Variants in EPHB1 observed in about 807,000 individuals in gnomAD.
The protein encoded by EPHB1 is EPH receptor B1.
Under a neutral mutation model 94.4 loss-of-function variants are expected in EPHB1, and 30 were observed. The observed-to-expected ratio is 0.32, with a 90% CI of 0.24 to 0.43. The LOEUF is 0.43. EPHB1 is among the 20% of genes least tolerant of loss of function. The probability of loss-of-function intolerance (pLI) is 1.00; values close to 1 mark genes in which losing one functional copy is unlikely to be tolerated. For missense variants in EPHB1, 1,055 were observed against 1,308.3 expected, an observed-to-expected ratio of 0.81 and a Z score of 2.99; for synonymous variants, 522 against 489.1, an observed-to-expected ratio of 1.07 and a Z score of -0.89.
At chr3:135,243,890 A>G (rs1943854148) in intron 13 of EPHB1, among the ~76,000 whole-genome samples, 1 of 152,174 alleles carries the variant, frequency 6.6e-6, no homozygotes, top group African/African-American at 2.4e-5. Context: ...GAGGAGCTGC[A>G]GTCTTATTGA....
intron 1 of EPHB1, among the ~76,000 whole-genome samples, chr3:134,872,511 C>T (rs1397762749): frequency 6.6e-6 from 1 of 152,204 alleles, no homozygotes; most frequent in Non-Finnish European, 1.5e-5. Flanking sequence ...AGTGATTAGA[C>T]ATTTTTATAG....
At chr3:135,134,522 G>A (rs1940544356) in intron 5 of EPHB1, among the ~76,000 whole-genome samples, 1 of 152,184 alleles carries the variant, frequency 6.6e-6, no homozygotes, top group Non-Finnish European at 1.5e-5. Context: ...GTGTTTGTAT[G>A]TATGTGTATG....
chr3:135,196,427 G>C (rs548694360), intron 11 of EPHB1, among the ~76,000 whole-genome samples: 16 of 152,248 alleles, frequency 1.1e-4, no homozygotes, highest in African/African-American at 3.9e-4. Context: ...AGCAGGCATG[G>C]TAAGAAAGGA....
chr3:134,965,449 C>T (rs1321929125), intron 3 of EPHB1, among the ~76,000 whole-genome samples: 1 of 152,114 alleles, frequency 6.6e-6, no homozygotes, highest in Non-Finnish European at 1.5e-5. Flanking sequence ...CCTGTAGTCC[C>T]AGCACTTTGA....
At chr3:134,801,128 GC>G (rs1304608755) in intron 1 of EPHB1, among the ~76,000 whole-genome samples, 3 of 152,182 alleles carry the variant, frequency 2.0e-5, no homozygotes, top group African/African-American at 7.2e-5. Flanking sequence ...ACATGGTCAT[GC>G]AAGAAGAGAT....
intron 3 of EPHB1, among the ~76,000 whole-genome samples, chr3:135,099,938 TC>T (rs1488796628): frequency 6.6e-6 from 1 of 152,168 alleles, no homozygotes; most frequent in African/African-American, 2.4e-5. Context: ...CTTGCCTCTC[TC>T]CCAGTTGCCC....
At chr3:134,874,161 G>GT (rs371839261) in intron 1 of EPHB1, among the ~76,000 whole-genome samples, 128 of 152,238 alleles carry the variant, frequency 8.4e-4, no homozygotes, top group Non-Finnish European at 1.4e-3. Flanking sequence ...CAAAATTTGG[G>GT]TTTTTTGTGG....
chr3:134,860,530 C>A (rs1490703409), intron 1 of EPHB1, among the ~76,000 whole-genome samples: 3 of 152,142 alleles, frequency 2.0e-5, no homozygotes, highest in Admixed American at 6.5e-5. Flanking sequence ...AAAAAGATTT[C>A]TTGGCCGGGC....
intron 3 of EPHB1, among the ~76,000 whole-genome samples, chr3:135,039,415 A>G (rs948649621): frequency 3.5e-4 from 54 of 152,232 alleles, no homozygotes; most frequent in Non-Finnish European, 6.2e-4. Context: ...CCAGTCCTGC[A>G]CCGTGCGCTC....
rs542475930 is a variant in EPHB1 at position 135,241,007 on chromosome 3, C to T, written c.2347-141C>T. The T allele has an allele frequency of 1.3e-4, 133 of 1,016,252 alleles. 4 individuals carry two copies. The South Asian group carries it at 1.5e-3, about 11-fold the overall frequency. The allele number at this position is 1,016,252 out of a possible 1,614,324, so 63.0% of individuals were successfully genotyped here. On this transcript the variant is annotated intron_variant, in intron 12 of 15. Coordinates refer to ENST00000398015, the MANE Select transcript of EPHB1 (RefSeq NM_004441.5). ...TAGGCACAGCAACATAGCTTGTGCACGAAGCAAGAATAGCCTGTCTGTCAT... is the reference window on the plus strand; with the variant it reads ...TAGGCACAGCAACATAGCTTGTGCATGAAGCAAGAATAGCCTGTCTGTCAT...
At chr3:134,868,676 T>C (rs994686592) in intron 1 of EPHB1, among the ~76,000 whole-genome samples, 31 of 152,226 alleles carry the variant, frequency 2.0e-4, no homozygotes, top group African/African-American at 7.0e-4. Flanking sequence ...AGACCTACTA[T>C]GTGTCAGGTT....
intron 1 of EPHB1, among the ~76,000 whole-genome samples, chr3:134,844,469 A>G (rs2036833095): frequency 6.6e-6 from 1 of 152,210 alleles, no homozygotes; most frequent in Non-Finnish European, 1.5e-5. Flanking sequence ...TCAGCCAAGT[A>G]TACACTTGCC....
intron 1 of EPHB1, among the ~76,000 whole-genome samples, chr3:134,846,971 G>A (rs62272437): frequency 0.068 from 10,396 of 152,180 alleles, 437 homozygotes; most frequent in South Asian, 0.2. Flanking sequence ...CTTCGGTGGC[G>A]GGAGATTAAT....
rs767939986 is a variant in EPHB1 at position 134,842,013 on chromosome 3, C to T, written c.58+46324C>T. Among the ~76,000 whole-genome samples, 7 of 152,108 alleles carry T rather than the reference C, an allele frequency of 4.6e-5. No individual in the cohort carries two copies. In the East Asian group the frequency reaches 5.8e-4, roughly 13 times the overall value. ...GTGCTGTAGTCTGATTGTGATCCCCCGAAATTCATATGCTTATGACTTAAC... is the reference window on the plus strand; with the variant it reads ...GTGCTGTAGTCTGATTGTGATCCCCTGAAATTCATATGCTTATGACTTAAC... On this transcript the variant is annotated intron_variant, in intron 1 of 15. Coordinates refer to ENST00000398015, the MANE Select transcript of EPHB1 (RefSeq NM_004441.5).
intron 2 of EPHB1, among the ~76,000 whole-genome samples, chr3:134,934,336 C>T (rs1477003728): frequency 6.6e-6 from 1 of 152,152 alleles, no homozygotes; most frequent in African/African-American, 2.4e-5. Context: ...GCTTGAGGGC[C>T]TTGGGTGAGA....
chr3:135,032,733 AAGG>A, intron 3 of EPHB1, among the ~76,000 whole-genome samples: 1 of 152,304 alleles, frequency 6.6e-6, no homozygotes, highest in Admixed American at 6.5e-5. Context: ...TACAATTTTT[AAGG>A]AGAAAATTTC....
chr3:134,988,381 T>C (rs1239026699), intron 3 of EPHB1, among the ~76,000 whole-genome samples: 6 of 152,234 alleles, frequency 3.9e-5, no homozygotes, highest in African/African-American at 1.4e-4. Flanking sequence ...GTCTTCAACT[T>C]CATGTGTGCA....
At chr3:135,240,237 GGACACT>G (rs1341353140) in intron 12 of EPHB1, among the ~76,000 whole-genome samples, 1 of 152,084 alleles carries the variant, frequency 6.6e-6, no homozygotes, top group African/African-American at 2.4e-5. Flanking sequence ...TTGAGGGCAG[GGACACT>G]GGCTTATTTC....
intron 10 of EPHB1, among the ~76,000 whole-genome samples, chr3:135,189,510 T>G (rs1942406886): frequency 6.6e-6 from 1 of 152,240 alleles, no homozygotes; most frequent in African/African-American, 2.4e-5. Context: ...TGCTCAATAG[T>G]TTTTGAACAA....
Sources: gnomAD v4.1 joint callset for allele counts (sites outside exome capture counted in the v4.1 genomes callset) on GRCh38, gnomAD v4.1.1 for gene constraint, MANE v1.5 for transcripts, NCBI Gene and HGNC (gene_info 2026-07-23, HGNC 2026-07-21) for gene names.